JAZF1: variants seen among roughly 807,000 people sequenced by gnomAD.
JAZF1 encodes the protein juxtaposed with another zinc finger protein 1.
In JAZF1, 8 loss-of-function variants were observed where a neutral mutation model predicts 26.4. The ratio of observed to expected loss-of-function variants is 0.30; its 90% CI spans 0.18 to 0.55. JAZF1 has a LOEUF of 0.55. Among genes scored for constraint, JAZF1 ranks in the 20% least tolerant of loss-of-function variants. JAZF1 has a pLI of 0.94. For synonymous variants in JAZF1, 126 were observed against 122.3 expected (o/e 1.03, Z -0.20); for missense variants, 199 against 322.0 (o/e 0.62, Z 2.92).
chr7:27,920,847 A>C (rs1583464184), intron 2 of JAZF1, among the ~76,000 whole-genome samples: 1 of 152,250 alleles, frequency 6.6e-6, no homozygotes, highest in South Asian at 2.1e-4. Flanking sequence ...AAAAAAGCAT[A>C]AACGACCATT....
chr7:27,953,555 C>A (rs1439177104), intron 2 of JAZF1, among the ~76,000 whole-genome samples: 1 of 152,168 alleles, frequency 6.6e-6, no homozygotes, highest in Non-Finnish European at 1.5e-5. Flanking sequence ...TGTGGTTTGG[C>A]TGGGATGCCT....
At chr7:28,159,842 A>G (rs76100285) in intron 1 of JAZF1, among the ~76,000 whole-genome samples, 3 of 151,866 alleles carry the variant, frequency 2.0e-5, no homozygotes, top group Admixed American at 1.3e-4. Context: ...CTCATACTTC[A>G]CTCCTGGTGC....
intron 2 of JAZF1, among the ~76,000 whole-genome samples, chr7:27,908,404 C>T (rs1708293586): frequency 6.6e-6 from 1 of 152,184 alleles, no homozygotes; most frequent in Non-Finnish European, 1.5e-5. Flanking sequence ...GTGGGCATCT[C>T]AAGCTTACAG....
chr7:28,151,992 T>C (rs1039515497), intron 1 of JAZF1, among the ~76,000 whole-genome samples: 2 of 152,208 alleles, frequency 1.3e-5, no homozygotes, highest in Non-Finnish European at 2.9e-5. Context: ...TCTATCTCAT[T>C]AGCATTTTAT....
intron 1 of JAZF1, among the ~76,000 whole-genome samples, chr7:28,079,490 A>C (rs977269625): frequency 4.6e-5 from 7 of 152,226 alleles, no homozygotes; most frequent in Admixed American, 4.6e-4. Context: ...ACGAGGAGCA[A>C]AATAAAATAT....
intron 1 of JAZF1, chr7:28,071,590 C>G (rs1466694562): frequency 2.1e-6 from 1 of 471,626 alleles, no homozygotes; most frequent in Non-Finnish European, 4.4e-6. Context: ...CCTAATCTGC[C>G]AAGATTTCAG....
intron 1 of JAZF1, among the ~76,000 whole-genome samples, chr7:28,107,184 A>T (rs1166385231): frequency 1.3e-5 from 2 of 152,184 alleles, no homozygotes; most frequent in Non-Finnish European, 2.9e-5. Flanking sequence ...ATCCACAAAC[A>T]TCCCACTAGA....
intron 2 of JAZF1, among the ~76,000 whole-genome samples, chr7:27,953,199 T>G (rs1583478204): frequency 6.6e-6 from 1 of 152,226 alleles, no homozygotes; most frequent in Admixed American, 6.5e-5. Context: ...CTAAAAATAT[T>G]CCCAGCCAAT....
intron 2 of JAZF1, among the ~76,000 whole-genome samples, chr7:27,920,730 C>G (rs1784514190): frequency 1.3e-5 from 2 of 152,190 alleles, no homozygotes; most frequent in African/African-American, 4.8e-5. Flanking sequence ...CTCCCCACTT[C>G]CGCCGACAAC....
intron 2 of JAZF1, among the ~76,000 whole-genome samples, chr7:27,928,384 T>C (rs1036669574): frequency 6.6e-6 from 1 of 152,254 alleles, no homozygotes; most frequent in African/African-American, 2.4e-5. Context: ...CATTAACAAA[T>C]TTTTATTGGG....
At chr7:27,971,481 A>C (rs1187165258) in intron 2 of JAZF1, among the ~76,000 whole-genome samples, 2 of 152,226 alleles carry the variant, frequency 1.3e-5, no homozygotes, top group African/African-American at 2.4e-5. Flanking sequence ...GAGAGCCTTC[A>C]AAGGCAGGAC....
intron 1 of JAZF1, among the ~76,000 whole-genome samples, chr7:28,071,059 A>G (rs1287952227): frequency 2.6e-5 from 4 of 152,220 alleles, no homozygotes; most frequent in Non-Finnish European, 4.4e-5. Context: ...AGGTAAGATA[A>G]ACAGAGTATT....
chr7:27,979,711 C>G (rs1785543013), intron 2 of JAZF1, among the ~76,000 whole-genome samples: 1 of 152,148 alleles, frequency 6.6e-6, no homozygotes, highest in African/African-American at 2.4e-5. Context: ...CTTTGCCCTG[C>G]AGCTCCCCGA....
chr7:27,905,332 A>C (rs1784234378), intron 2 of JAZF1, among the ~76,000 whole-genome samples: 1 of 140,504 alleles, frequency 7.1e-6, no homozygotes, highest in Non-Finnish European at 1.6e-5. Context: ...GTCTTTGGAG[A>C]ATTCTAATCT....
chr7:27,964,090 T>C (rs1212105905), intron 2 of JAZF1, among the ~76,000 whole-genome samples: 1 of 152,196 alleles, frequency 6.6e-6, no homozygotes, highest in East Asian at 1.9e-4. Flanking sequence ...GTAAAAAGAC[T>C]AAGTTTTCCC....
intron 2 of JAZF1, among the ~76,000 whole-genome samples, chr7:27,970,950 G>T (rs1785364117): frequency 1.3e-5 from 2 of 152,206 alleles, no homozygotes; most frequent in African/African-American, 4.8e-5. Flanking sequence ...TTCTTTAGGT[G>T]TTAAAGAGAG....
At chr7:28,053,191 C>T (rs189024105) in intron 1 of JAZF1, among the ~76,000 whole-genome samples, 2 of 152,298 alleles carry the variant, frequency 1.3e-5, no homozygotes, top group East Asian at 3.9e-4. Flanking sequence ...ACTGTAATTA[C>T]ACACCACACT....
At chr7:27,983,301 T>C (rs1785625314) in intron 2 of JAZF1, among the ~76,000 whole-genome samples, 1 of 152,140 alleles carries the variant, frequency 6.6e-6, no homozygotes, top group Non-Finnish European at 1.5e-5. Flanking sequence ...ACGTGATGAA[T>C]GCACAAGCTT....
At chr7:27,878,918 C>A (rs565473164) in intron 3 of JAZF1, among the ~76,000 whole-genome samples, 19 of 152,290 alleles carry the variant, frequency 1.2e-4, no homozygotes, top group Non-Finnish European at 2.5e-4. Context: ...TTAAGACATA[C>A]ATTATTATTT....
Sources: allele counts gnomAD v4.1 joint callset (sites outside exome capture counted in the v4.1 genomes callset), GRCh38; gene constraint gnomAD v4.1.1; transcripts MANE v1.5; gene names NCBI Gene and HGNC (gene_info 2026-07-23, HGNC 2026-07-21).